Variants in BCKDHB observed in about 807,000 individuals in gnomAD.
BCKDHB encodes 2-oxoisovalerate dehydrogenase subunit beta, mitochondrial.
Under a neutral mutation model 48.5 loss-of-function variants are expected in BCKDHB, and 41 were observed. The ratio of observed to expected loss-of-function variants is 0.85; its 90% CI spans 0.66 to 1.10. The LOEUF (loss-of-function observed/expected upper bound fraction) is 1.10. Ranked by LOEUF, BCKDHB falls within the 50% of genes least tolerant of loss-of-function variation. The probability of loss-of-function intolerance (pLI) is 0.00; values close to 1 mark genes in which losing one functional copy is unlikely to be tolerated. For missense variants in BCKDHB, 496 were observed against 494.2 expected (o/e 1.00, Z -0.03); for synonymous variants, 201 against 174.8 (o/e 1.15, Z -1.18).
Position 80,295,735 on chromosome 6 carries a change from C to T in BCKDHB, c.1038+22514C>T, listed in dbSNP as rs764143394. Among the ~76,000 whole-genome samples, 95 of 151,842 alleles carry T rather than the reference C, an allele frequency of 6.3e-4. 1 individual carries two copies. The highest frequency in any genetic ancestry group is 4.9e-4 in the Non-Finnish European group (33 of 67,996). On this transcript the variant is annotated intron_variant, in intron 9 of 9. Coordinates refer to ENST00000320393, the MANE Select transcript of BCKDHB (RefSeq NM_183050.4). The stretch of plus-strand genomic sequence containing the variant: ...TGGAGAAAGTAGGTAGAAACAAATA[C>T]GCTCCAAATTTTGTTCAGGGGAACT...
intron 6 of BCKDHB, among the ~76,000 whole-genome samples, chr6:80,185,703 G>A (rs1204336231): frequency 1.3e-5 from 2 of 152,156 alleles, no homozygotes; most frequent in African/African-American, 4.8e-5. Context: ...TCTTGCTTTA[G>A]CCACTCAGCG....
In BCKDHB at chr6:80,255,597, G is replaced by A. The variant is rs187261199; in HGVS notation, c.952-17538G>A. Among the ~76,000 whole-genome samples the A allele has an allele frequency of 1.3e-4, 20 of 152,248 alleles. No individual in the cohort carries two copies. The East Asian group carries it at 3.9e-3, about 29-fold the overall frequency. ...AGCATGCAGTGGGAGAAACTAATGT[G>A]GAGAAAATAATCAGTTTTCCTTGTT... is the stretch of plus-strand genomic sequence containing the variant. On this transcript the variant is annotated intron_variant, in intron 8 of 9. Coordinates refer to ENST00000320393, the MANE Select transcript of BCKDHB (RefSeq NM_183050.4).
chr6:80,227,543 GT>G (rs1775730559), intron 8 of BCKDHB, among the ~76,000 whole-genome samples: 1 of 152,250 alleles, frequency 6.6e-6, no homozygotes, highest in Non-Finnish European at 1.5e-5. Flanking sequence ...TTTAATTCCA[GT>G]TTTGTGTCCC....
the BCKDHB span, among the ~76,000 whole-genome samples, chr6:80,396,662 C>T: frequency 3.3e-5 from 5 of 152,166 alleles, no homozygotes; most frequent in Non-Finnish European, 5.9e-5. Flanking sequence ...GCAGTTATGC[C>T]CATGCAGCTG....
intron 6 of BCKDHB, among the ~76,000 whole-genome samples, chr6:80,196,636 GTA>G (rs111854597): frequency 7.3e-5 from 11 of 151,350 alleles, no homozygotes; most frequent in African/African-American, 2.2e-4. Flanking sequence ...ATTAAACTTG[GTA>G]TATATATATA....
chr6:80,394,744 A>T, the BCKDHB span, among the ~76,000 whole-genome samples: 4 of 152,244 alleles, frequency 2.6e-5, no homozygotes, highest in East Asian at 3.9e-4. Flanking sequence ...TCAGTAAGGG[A>T]GTAGTCTAAT....
At chr6:80,386,587 A>G in the BCKDHB span, among the ~76,000 whole-genome samples, 1 of 152,178 alleles carries the variant, frequency 6.6e-6, no homozygotes, top group Non-Finnish European at 1.5e-5. Flanking sequence ...AATGGGAATA[A>G]TTGAATCCTG....
intron 3 of BCKDHB, among the ~76,000 whole-genome samples, chr6:80,151,727 A>G (rs1376061085): frequency 2.0e-5 from 3 of 152,140 alleles, no homozygotes; most frequent in Non-Finnish European, 4.4e-5. Context: ...ATGCTTTGTC[A>G]TATTGTTCCC....
At chr6:80,247,654 G>A (rs962916714) in intron 8 of BCKDHB, among the ~76,000 whole-genome samples, 1 of 152,172 alleles carries the variant, frequency 6.6e-6, no homozygotes. Context: ...CATATTGTCT[G>A]TACTTTTGGA....
intron 3 of BCKDHB, among the ~76,000 whole-genome samples, chr6:80,164,531 T>A (rs1033949308): frequency 2.8e-4 from 42 of 152,222 alleles, no homozygotes; most frequent in African/African-American, 1.0e-3. Flanking sequence ...TCATTTATTT[T>A]GTTTTTATTG....
At chr6:80,420,935 G>A in the BCKDHB span, among the ~76,000 whole-genome samples, 2 of 152,176 alleles carry the variant, frequency 1.3e-5, no homozygotes, top group Non-Finnish European at 2.9e-5. Context: ...TGAGTGACAT[G>A]TAGAGTGAAA....
chr6:80,297,996 G>T (rs745366335), intron 9 of BCKDHB, among the ~76,000 whole-genome samples: 4 of 151,510 alleles, frequency 2.6e-5, no homozygotes, highest in Non-Finnish European at 5.9e-5. Context: ...CCAAAATAGG[G>T]TCTGTGCTGC....
chr6:80,444,821 A>G, the BCKDHB span, among the ~76,000 whole-genome samples: 1 of 152,242 alleles, frequency 6.6e-6, no homozygotes, highest in African/African-American at 2.4e-5. Flanking sequence ...AAACACAGTT[A>G]TACTTGTCAA....
At position 80,286,943 on chromosome 6, in the gene BCKDHB, T is replaced by C. The variant is rs3805887; in HGVS notation, c.1038+13722T>C. 2.4e-3 allele frequency among the ~76,000 whole-genome samples: 369 copies of C among 152,278 alleles called. 11 individuals are homozygous for C. The East Asian group carries it at 0.059, about 24-fold the overall frequency. On this transcript the variant is annotated intron_variant, in intron 9 of 9. Transcript: ENST00000320393. ...AGTCTTTGGTCATCTGTCTATCAAG[T>C]AGAGCTGGCATCTATATTACAATAA...
At chr6:80,217,510 C>CT (rs1775227795) in intron 8 of BCKDHB, among the ~76,000 whole-genome samples, 1 of 151,882 alleles carries the variant, frequency 6.6e-6, no homozygotes. Flanking sequence ...TTTCCCTTTC[C>CT]TTTTTCTTTT....
At chr6:80,268,253 T>C (rs1265020087) in intron 8 of BCKDHB, among the ~76,000 whole-genome samples, 2 of 152,144 alleles carry the variant, frequency 1.3e-5, no homozygotes, top group Non-Finnish European at 2.9e-5. Flanking sequence ...TTCAGTTGCG[T>C]TGATATTTGA....
chr6:80,416,830 T>C, the BCKDHB span, among the ~76,000 whole-genome samples: 5 of 151,756 alleles, frequency 3.3e-5, no homozygotes, highest in African/African-American at 9.7e-5. Context: ...TGGGTTTTTA[T>C]TTGCTTTTTT....
chr6:80,424,754 G>A, the BCKDHB span, among the ~76,000 whole-genome samples: 3 of 152,068 alleles, frequency 2.0e-5, no homozygotes, highest in African/African-American at 7.2e-5. Context: ...ATTGTGTATT[G>A]GACTACAGAA....
intron 9 of BCKDHB, among the ~76,000 whole-genome samples, chr6:80,320,913 T>G (rs1324472823): frequency 6.6e-6 from 1 of 152,178 alleles, no homozygotes; most frequent in East Asian, 1.9e-4. Flanking sequence ...CTGAGTAAAT[T>G]AAACCTTCAA....
Sources: gnomAD v4.1 joint callset for allele counts (sites outside exome capture counted in the v4.1 genomes callset) on GRCh38, gnomAD v4.1.1 for gene constraint, MANE v1.5 for transcripts, NCBI Gene and HGNC (gene_info 2026-07-23, HGNC 2026-07-21) for gene names.